Variants in UTRN observed in about 807,000 individuals in gnomAD.
UTRN encodes dystrophin-related protein 1.
In UTRN, 283 loss-of-function variants were observed where a neutral mutation model predicts 463.9. The ratio of observed to expected loss-of-function variants is 0.61; its 90% CI spans 0.55 to 0.67. The LOEUF (loss-of-function observed/expected upper bound fraction) is 0.67. Ranked by LOEUF, UTRN falls within the 30% of genes least tolerant of loss-of-function variation. The pLI, the probability that UTRN is intolerant of heterozygous loss-of-function variation, is 0.00. For synonymous variants in UTRN, 1,442 were observed against 1,431.5 expected, an observed-to-expected ratio of 1.01 and a Z score of -0.17; for missense variants, 3,922 against 4,084.3, an observed-to-expected ratio of 0.96 and a Z score of 1.08.
intron 51 of UTRN, among the ~76,000 whole-genome samples, chr6:144,599,721 A>G (rs1804039610): frequency 1.3e-5 from 2 of 152,234 alleles, no homozygotes; most frequent in Admixed American, 6.5e-5. Flanking sequence ...AAAACTTACC[A>G]GTTAACCATA....
At chr6:144,531,341 G>C (rs1797041487) in intron 42 of UTRN, 139 bp downstream of exon 42, 2 of 915,074 alleles carry the variant, frequency 2.2e-6, no homozygotes, top group Non-Finnish European at 2.9e-6. Context: ...TCCAATTCTT[G>C]TTACCAGTTA....
intron 14 of UTRN, among the ~76,000 whole-genome samples, chr6:144,445,274 C>T (rs1243190741): frequency 6.8e-6 from 1 of 148,142 alleles, no homozygotes; most frequent in Non-Finnish European, 1.5e-5. Flanking sequence ...TTGCTGGAAC[C>T]CAGGAGGCAG....
intron 73 of UTRN, among the ~76,000 whole-genome samples, chr6:144,845,812 C>T (rs1168192241): frequency 2.0e-5 from 3 of 152,084 alleles, no homozygotes; most frequent in African/African-American, 4.8e-5. Context: ...GATTTCTCCC[C>T]CAAATACCGG....
At chr6:144,567,721 T>C (rs956317390) in intron 50 of UTRN, among the ~76,000 whole-genome samples, 8 of 152,338 alleles carry the variant, frequency 5.3e-5, no homozygotes, top group Middle Eastern at 3.4e-3. Context: ...TGCTGCTGTT[T>C]TTCATTCTAA....
rs923275120 is a variant in UTRN, at chr6:144,330,782, C to T, written c.79+38875C>T. On this transcript the variant is annotated intron_variant, in intron 2 of 74. Coordinates refer to ENST00000367545, the MANE Select transcript of UTRN (RefSeq NM_007124.3). ...AGGCAGGAATGTGACCATTCTGGTC[C>T]GGGCAGTTGGGGAGGAACTCATCTA... 4 of 977,994 alleles carry T rather than the reference C, an allele frequency of 4.1e-6. No individual in the cohort carries two copies. The African/African-American group carries it at 5.3e-5, about 13-fold the overall frequency. The allele number at this position is 977,994 out of a possible 1,614,324, so 60.6% of individuals were successfully genotyped here.
intron 53 of UTRN, among the ~76,000 whole-genome samples, chr6:144,704,036 C>T (rs1784840165): frequency 1.3e-5 from 2 of 152,268 alleles, no homozygotes; most frequent in South Asian, 4.2e-4. Context: ...CAAACAGTGG[C>T]AGGATGCAAT....
intron 27 of UTRN, among the ~76,000 whole-genome samples, chr6:144,482,923 G>A (rs1032516938): frequency 6.6e-5 from 10 of 151,920 alleles, no homozygotes; most frequent in African/African-American, 2.2e-4. Context: ...GCCATTACAC[G>A]TAAAATGTAG....
Position 144,821,018 on chromosome 6 carries a change from C to G in UTRN, c.9494C>G (p.Thr3165Ser), listed in dbSNP as rs770453517. The G allele has an allele frequency of 1.9e-6, 3 of 1,611,618 alleles. No homozygotes were observed. In the African/African-American group the frequency reaches 4.0e-5, roughly 22 times the overall value. Residue 3165 changes from threonine (T) to serine (S), a missense_variant and splice_region_variant, in exon 66 of 75, where the codon ACT becomes AGT. Around this residue, in one of 3 missense-constraint regions of UTRN, gnomAD observed 1,309 missense variants for 1,452.6 expected, o/e 0.90. Transcript: ENST00000367545. ...GTTCTTGAAGGTGACAACTTAGAGA[C>G]GTAAGTTTGATTTTAATATTAAATC... ...QTVLEGDNLE[T>S]PITLISMWPE...
At chr6:144,533,317 T>A in intron 43 of UTRN, 57 bp downstream of exon 43, 7 of 1,576,310 alleles carry the variant, frequency 4.4e-6, no homozygotes, top group Non-Finnish European at 6.0e-6. Flanking sequence ...GGATAGAATC[T>A]TTTAAGATGC....
chr6:144,665,510 A>G (rs752381256), intron 51 of UTRN, among the ~76,000 whole-genome samples: 21 of 152,214 alleles, frequency 1.4e-4, no homozygotes, highest in Non-Finnish European at 2.1e-4. Flanking sequence ...TAAAGTGTTT[A>G]CAGTTATATC....
At chr6:144,636,784 T>G (rs936584319) in intron 51 of UTRN, among the ~76,000 whole-genome samples, 2 of 152,200 alleles carry the variant, frequency 1.3e-5, no homozygotes, top group Non-Finnish European at 2.9e-5. Flanking sequence ...CTTCGTTCAT[T>G]CTCTCTTTCT....
At chr6:144,409,359 T>C (rs935500936) in intron 3 of UTRN, among the ~76,000 whole-genome samples, 1 of 152,244 alleles carries the variant, frequency 6.6e-6, no homozygotes, top group African/African-American at 2.4e-5. Context: ...TGATTCAGCC[T>C]ATTGGTATTC....
chr6:144,744,604 TACACACACACAC>T (rs554895139), intron 54 of UTRN, among the ~76,000 whole-genome samples: 1 of 103,210 alleles, frequency 9.7e-6, no homozygotes, highest in Non-Finnish European at 1.7e-5. Flanking sequence ...TGACAGGGCA[TACACACACACAC>T]ACACACACAC....
rs574322750 is a variant in UTRN at position 144,591,249 on chromosome 6, G to A, written c.7479+13961G>A. On this transcript the variant is annotated intron_variant, in intron 51 of 74. Coordinates refer to ENST00000367545, the MANE Select transcript of UTRN (RefSeq NM_007124.3). ...CTCACTGGGGTTCAGATGCACCCTG[G>A]TCACCCCACTGCGAAGATGCCATAA... Among the ~76,000 whole-genome samples the A allele has an allele frequency of 3.0e-4, 46 of 152,234 alleles. No homozygotes were observed. In the South Asian group the frequency reaches 4.1e-3, roughly 14 times the overall value.
intron 51 of UTRN, among the ~76,000 whole-genome samples, chr6:144,632,055 G>A (rs1776586246): frequency 1.3e-5 from 2 of 152,200 alleles, no homozygotes; most frequent in South Asian, 4.1e-4. Context: ...ATTAGAACAT[G>A]CATATCCGAA....
intron 51 of UTRN, among the ~76,000 whole-genome samples, chr6:144,658,287 G>A (rs1020206552): frequency 1.3e-5 from 2 of 152,180 alleles, no homozygotes; most frequent in Non-Finnish European, 2.9e-5. Context: ...GTTAAAATTT[G>A]TATAGATGGG....
rs143050718 is a variant in UTRN, at chr6:144,545,344, T to G, written c.6595+2474T>G. On this transcript the variant is annotated intron_variant, in intron 46 of 74. Transcript: ENST00000367545. ...TGTCGTTTCTTTGTTCACAGTCTTT[T>G]AATCACTTCCATCCACATAAATGAG... Among the ~76,000 whole-genome samples, 436 of 152,356 alleles carry G rather than the reference T, an allele frequency of 2.9e-3. 4 individuals carry two copies. The highest frequency in any genetic ancestry group is 0.01 in the African/African-American group (422 of 41,580).
At chr6:144,569,508 A>G (rs1054271822) in intron 50 of UTRN, among the ~76,000 whole-genome samples, 1 of 152,160 alleles carries the variant, frequency 6.6e-6, no homozygotes, top group African/African-American at 2.4e-5. Flanking sequence ...AGTATTCACT[A>G]TATCTTGATA....
At chr6:144,800,146 C>G (rs1219708644) in intron 64 of UTRN, among the ~76,000 whole-genome samples, 1 of 152,032 alleles carries the variant, frequency 6.6e-6, no homozygotes, top group East Asian at 1.9e-4. Flanking sequence ...TTCTCAGCAT[C>G]TGATGGATGT....
Sources: gnomAD v4.1 joint callset for allele counts (sites outside exome capture counted in the v4.1 genomes callset) on GRCh38, gnomAD v4.1.1 for gene constraint, gnomAD v4.1.1 regional missense constraint, MANE v1.5 for transcripts, NCBI Gene and HGNC (gene_info 2026-07-23, HGNC 2026-07-21) for gene names.